PLPPR4: variants seen among roughly 807,000 people sequenced by gnomAD.
PLPPR4 encodes phospholipid phosphatase-related protein type 4.
PLPPR4 carries 24 observed loss-of-function variants against 56.6 expected under a neutral mutation model. The ratio of observed to expected loss-of-function variants is 0.42; its 90% CI spans 0.31 to 0.60. PLPPR4 has a LOEUF of 0.60. PLPPR4 is among the 20% of genes least tolerant of loss of function. The pLI is 0.13. For synonymous variants in PLPPR4, 326 were observed against 328.1 expected (o/e 0.99, Z 0.07); for missense variants, 654 against 885.8 (o/e 0.74, Z 3.32).
chr1:99,263,458 G>C (rs1007165949), upstream of PLPPR4, among the ~76,000 whole-genome samples: 1 of 152,190 alleles, frequency 6.6e-6, no homozygotes, highest in African/African-American at 2.4e-5. Flanking sequence ...CTAAAAAAGG[G>C]AAATGGATAA....
intron 6 of PLPPR4, 27 bp from the exon 7 acceptor site, chr1:99,305,658 T>C (rs749674328): frequency 4.4e-6 from 7 of 1,591,424 alleles, no homozygotes; most frequent in Non-Finnish European, 6.0e-6. Context: ...TAGTGCATGA[T>C]ATTTATTGCT....
At chr1:99,277,835 C>G (rs2392007) in intron 1 of PLPPR4, among the ~76,000 whole-genome samples, 4,182 of 152,000 alleles carry the variant, frequency 0.028, 151 homozygotes, top group East Asian at 0.17. Flanking sequence ...ACAGTTTTTT[C>G]ATAATATACA....
chr1:99,263,653 G>C (rs1454924800), upstream of PLPPR4, among the ~76,000 whole-genome samples: 1 of 152,050 alleles, frequency 6.6e-6, no homozygotes, highest in Non-Finnish European at 1.5e-5. Flanking sequence ...TCACAAAATT[G>C]AGACTAGCCA....
chr1:99,291,839 T>C (rs995508540), intron 2 of PLPPR4, among the ~76,000 whole-genome samples: 1 of 152,060 alleles, frequency 6.6e-6, no homozygotes, highest in Non-Finnish European at 1.5e-5. Flanking sequence ...GTGTAATACC[T>C]GGGTACAACA....
Position 99,308,092 on chromosome 1 carries a change from G to A in PLPPR4, c.*1082G>A, listed in dbSNP as rs1328074076. ...TAGATGTCTACAACTAGCTGGCATAGGTTGCCATCTTAACAAGTAATCTAA... is the reference window on the plus strand; with the variant it reads ...TAGATGTCTACAACTAGCTGGCATAAGTTGCCATCTTAACAAGTAATCTAA... On this transcript the variant is annotated 3_prime_UTR_variant, in exon 7 of 7. Coordinates refer to ENST00000370185, the MANE Select transcript of PLPPR4 (RefSeq NM_014839.5). The A allele has an allele frequency of 6.6e-6, 1 of 152,124 alleles. No individual in the cohort carries two copies. Among genetic ancestry groups the A allele is most frequent in the Non-Finnish European group, 1.5e-5 (1 of 68,034 alleles). The allele number at this position is 152,124 out of a possible 1,614,324, so 9.4% of individuals were successfully genotyped here.
chr1:99,284,362 A>AT (rs1211480734), intron 1 of PLPPR4, among the ~76,000 whole-genome samples: 1 of 152,196 alleles, frequency 6.6e-6, no homozygotes, highest in African/African-American at 2.4e-5. Flanking sequence ...TATAATGAAG[A>AT]TTTTATACAA....
At chr1:99,284,822 T>G (rs563329702) in intron 1 of PLPPR4, among the ~76,000 whole-genome samples, 1 of 152,138 alleles carries the variant, frequency 6.6e-6, no homozygotes, top group Admixed American at 6.6e-5. Flanking sequence ...GCGTATATAT[T>G]TGGAAGTCAC....
chr1:99,300,769 A>G (rs1471722665), intron 4 of PLPPR4, 140 bp from the exon 5 acceptor site: 5 of 659,378 alleles, frequency 7.6e-6, no homozygotes, highest in African/African-American at 7.3e-5. Flanking sequence ...CTTTCACCAG[A>G]AAGCTGGACA....
intron 1 of PLPPR4, among the ~76,000 whole-genome samples, chr1:99,283,574 A>G (rs1333489750): frequency 3.3e-5 from 5 of 152,234 alleles, no homozygotes; most frequent in Non-Finnish European, 7.3e-5. Flanking sequence ...GATGGTAATT[A>G]TAAGAATCAG....
At chr1:99,275,419 A>G (rs2100787721) in intron 1 of PLPPR4, among the ~76,000 whole-genome samples, 1 of 152,350 alleles carries the variant, frequency 6.6e-6, no homozygotes, top group East Asian at 1.9e-4. Flanking sequence ...GGCCCAGGAC[A>G]TAATTAAGGA....
At chr1:99,267,424 T>C (rs531572387) in intron 1 of PLPPR4, among the ~76,000 whole-genome samples, 1 of 152,342 alleles carries the variant, frequency 6.6e-6, no homozygotes, top group East Asian at 1.9e-4. Flanking sequence ...CTTTGCCAGA[T>C]ACTACATGAA....
At chr1:99,286,009 G>A (rs1173075716) in intron 1 of PLPPR4, among the ~76,000 whole-genome samples, 1 of 152,112 alleles carries the variant, frequency 6.6e-6, no homozygotes, top group Non-Finnish European at 1.5e-5. Flanking sequence ...ACCTACATTA[G>A]TGCCTAGCAC....
chr1:99,262,976 G>A (rs1658799596), upstream of PLPPR4, among the ~76,000 whole-genome samples: 1 of 152,134 alleles, frequency 6.6e-6, no homozygotes, highest in Non-Finnish European at 1.5e-5. Flanking sequence ...GGTGGGGGGT[G>A]AGGGCAAGCA....
chr1:99,276,467 A>G (rs1659186851), intron 1 of PLPPR4, among the ~76,000 whole-genome samples: 1 of 152,114 alleles, frequency 6.6e-6, no homozygotes, highest in Non-Finnish European at 1.5e-5. Context: ...CATCATGAAA[A>G]CATAATTAAT....
Position 99,296,721 on chromosome 1 carries a change from C to A in PLPPR4, c.265-17C>A. 1 of 1,574,220 alleles carries A rather than the reference C, an allele frequency of 6.4e-7. No individual in the cohort carries two copies. Among genetic ancestry groups the A allele is most frequent in the Non-Finnish European group, 8.6e-7 (1 of 1,156,372 alleles). On this transcript the variant is annotated splice_polypyrimidine_tract_variant and intron_variant, in intron 2 of 6. Transcript: ENST00000370185. The stretch of plus-strand genomic sequence containing the variant: ...ATTCCAACATGCCTCTTCCTGAATA[C>A]CCTTCTATCTTTGCAGATTATGGTA...
At chr1:99,276,617 GA>G (rs1465888412) in intron 1 of PLPPR4, among the ~76,000 whole-genome samples, 1 of 151,810 alleles carries the variant, frequency 6.6e-6, no homozygotes, top group Non-Finnish European at 1.5e-5. Flanking sequence ...AAAGTTCATG[GA>G]AAAAATGGAA....
chr1:99,302,508 TTTTA>T (rs1373944603), intron 6 of PLPPR4, among the ~76,000 whole-genome samples: 7 of 102,960 alleles, frequency 6.8e-5, no homozygotes, highest in African/African-American at 2.8e-4. Flanking sequence ...GTATTCTTTT[TTTTA>T]TTATTATTAT....
intron 3 of PLPPR4, chr1:99,298,749 C>A (rs1339076961): frequency 1.7e-6 from 1 of 591,970 alleles, no homozygotes; most frequent in African/African-American, 1.9e-5. Context: ...TTAGCATGTT[C>A]CAAGTGTCTT....
rs1660034491 is a variant in PLPPR4, at chr1:99,306,504, A to G, written c.1642A>G (p.Thr548Ala). Reference sequence around the variant, plus strand: ...TGTCCTCCAAAGCAGCCCCAAGAACACTGAAGGCAGCACGGTCTCCTGCAC... The same window carrying G: ...TGTCCTCCAAAGCAGCCCCAAGAACGCTGAAGGCAGCACGGTCTCCTGCAC... The part of the protein sequence containing the change: ...QGVLQSSPKN[T>A]EGSTVSCTGS... The change falls in exon 7 of 7, where the codon ACT becomes GCT. Residue 548 changes from threonine to alanine, a missense_variant. Transcript: ENST00000370185. This position sits in a 1 kb window ranked among gnomAD's most constrained non-coding sequence, Gnocchi z 4.0. The G allele has an allele frequency of 6.2e-7, 1 of 1,614,018 alleles. No individual in the cohort carries two copies. The highest frequency in any genetic ancestry group is 1.3e-5 in the African/African-American group (1 of 74,912).
Sources: gnomAD v4.1 joint callset for allele counts (sites outside exome capture counted in the v4.1 genomes callset) on GRCh38, gnomAD v4.1.1 for gene constraint, Gnocchi (gnomAD v3.1) non-coding constraint, MANE v1.5 for transcripts, NCBI Gene and HGNC (gene_info 2026-07-23, HGNC 2026-07-21) for gene names.